DCC: variants seen among roughly 807,000 people sequenced by gnomAD.
DCC encodes the protein netrin receptor DCC.
In DCC, 58 loss-of-function variants were observed where a neutral mutation model predicts 172.5. The ratio of observed to expected loss-of-function variants is 0.34; its 90% CI spans 0.27 to 0.42. DCC has a LOEUF of 0.42. Ranked by LOEUF, DCC falls within the 10% of genes least tolerant of loss-of-function variation. The pLI is 1.00. For synonymous variants in DCC, 709 were observed against 644.5 expected (o/e 1.10, Z -1.52); for missense variants, 1,740 against 1,791.0 (o/e 0.97, Z 0.51).
chr18:52,584,452 C>T (rs993856970), intron 1 of DCC, among the ~76,000 whole-genome samples: 3 of 152,148 alleles, frequency 2.0e-5, no homozygotes, highest in Non-Finnish European at 4.4e-5. Context: ...CAGGACCAAG[C>T]TGATTGAAGC....
chr18:52,694,641 C>A (rs564439949), intron 1 of DCC, among the ~76,000 whole-genome samples: 1 of 151,898 alleles, frequency 6.6e-6, no homozygotes, highest in Admixed American at 6.6e-5. Context: ...GGCTTTGCTG[C>A]AGATAAAGGG....
chr18:52,948,610 T>G (rs909520759), intron 5 of DCC, among the ~76,000 whole-genome samples: 1 of 152,138 alleles, frequency 6.6e-6, no homozygotes, highest in African/African-American at 2.4e-5. Flanking sequence ...ATGTCCAAGT[T>G]AGGATTCATG....
chr18:53,276,544 T>A (rs1272975876), intron 12 of DCC, among the ~76,000 whole-genome samples: 1 of 152,182 alleles, frequency 6.6e-6, no homozygotes, highest in Admixed American at 6.6e-5. Flanking sequence ...AGGGCATTCC[T>A]AATGCCATGT....
chr18:52,602,512 A>G (rs1478534666), intron 1 of DCC, among the ~76,000 whole-genome samples: 1 of 151,940 alleles, frequency 6.6e-6, no homozygotes, highest in Non-Finnish European at 1.5e-5. Flanking sequence ...GGTTCAGTAT[A>G]CACATTCTAC....
At chr18:52,752,001 C>A in intron 1 of DCC, 53 bp from the exon 2 acceptor site, 1 of 1,464,046 alleles carries the variant, frequency 6.8e-7, no homozygotes, top group Non-Finnish European at 9.5e-7. Context: ...GGAATCTAAG[C>A]CTGAGATTTA....
intron 1 of DCC, among the ~76,000 whole-genome samples, chr18:52,613,887 A>T (rs1484922184): frequency 2.0e-5 from 3 of 152,146 alleles, no homozygotes; most frequent in African/African-American, 7.2e-5. Flanking sequence ...TTTCCTCATC[A>T]TGCTGCTTTC....
chr18:53,323,282 C>G (rs541333942), intron 14 of DCC, among the ~76,000 whole-genome samples: 20 of 152,164 alleles, frequency 1.3e-4, no homozygotes, highest in African/African-American at 4.6e-4. Flanking sequence ...CTCTTTTTCT[C>G]TTTTTGAATA....
intron 8 of DCC, among the ~76,000 whole-genome samples, chr18:53,165,921 T>C (rs1425951889): frequency 6.6e-6 from 1 of 152,206 alleles, no homozygotes; most frequent in Non-Finnish European, 1.5e-5. Flanking sequence ...GCATGATGTC[T>C]ATGTCATAAT....
chr18:52,735,562 G>C (rs2036713876), intron 1 of DCC, among the ~76,000 whole-genome samples: 1 of 152,122 alleles, frequency 6.6e-6, no homozygotes, highest in South Asian at 2.1e-4. Flanking sequence ...GAAGCTGAGA[G>C]TGCAGCCTTC....
At chr18:52,411,013 A>G (rs986901714) in intron 1 of DCC, among the ~76,000 whole-genome samples, 118 of 152,250 alleles carry the variant, frequency 7.8e-4, no homozygotes, top group African/African-American at 2.7e-3. Context: ...ACTTGGGTAA[A>G]GTAAGCCATA....
intron 2 of DCC, among the ~76,000 whole-genome samples, chr18:52,757,584 T>G (rs1298632000): frequency 6.6e-6 from 1 of 151,976 alleles, no homozygotes; most frequent in Non-Finnish European, 1.5e-5. Context: ...CTGCTTGCAT[T>G]TATACTTCTG....
chr18:52,587,193 G>C (rs1284369855), intron 1 of DCC, among the ~76,000 whole-genome samples: 1 of 152,242 alleles, frequency 6.6e-6, no homozygotes, highest in Non-Finnish European at 1.5e-5. Flanking sequence ...CGCGGGCTCA[G>C]TGTTGGTCTC....
chr18:52,491,839 G>C (rs2030517037), intron 1 of DCC, among the ~76,000 whole-genome samples: 1 of 152,014 alleles, frequency 6.6e-6, no homozygotes, highest in Admixed American at 6.6e-5. Context: ...AGGGAAGATT[G>C]GGTTAGTGGA....
At chr18:52,993,949 C>G (rs1323429086) in intron 5 of DCC, among the ~76,000 whole-genome samples, 4 of 151,822 alleles carry the variant, frequency 2.6e-5, no homozygotes, top group African/African-American at 9.7e-5. Context: ...CTTATTTTGC[C>G]TTGAATGATC....
intron 1 of DCC, among the ~76,000 whole-genome samples, chr18:52,605,998 A>G (rs183198064): frequency 1.8e-4 from 27 of 152,192 alleles, no homozygotes; most frequent in Non-Finnish European, 2.5e-4. Context: ...AAAGAATGCA[A>G]TCTTTCAATC....
intron 1 of DCC, among the ~76,000 whole-genome samples, chr18:52,515,046 T>C (rs2055794034): frequency 2.0e-5 from 3 of 152,192 alleles, no homozygotes; most frequent in Admixed American, 2.0e-4. Context: ...CATGGAGTTA[T>C]CTGCAAAAAT....
chr18:53,332,706 G>A (rs1419184078), intron 14 of DCC, among the ~76,000 whole-genome samples: 2 of 151,960 alleles, frequency 1.3e-5, no homozygotes, highest in African/African-American at 2.4e-5. Flanking sequence ...GACTATAAAG[G>A]GGCAGCCTAA....
chr18:53,370,805 G>A (rs1029973666), intron 15 of DCC, among the ~76,000 whole-genome samples: 1 of 151,758 alleles, frequency 6.6e-6, no homozygotes, highest in Non-Finnish European at 1.5e-5. Flanking sequence ...TGGGAAGAAT[G>A]TGTATGCTGT....
intron 1 of DCC, among the ~76,000 whole-genome samples, chr18:52,557,780 C>G (rs530983502): frequency 6.6e-6 from 1 of 152,234 alleles, no homozygotes; most frequent in East Asian, 1.9e-4. Context: ...ATGCCTCAGC[C>G]CCCCAAGTAG....
Sources: allele counts gnomAD v4.1 joint callset (sites outside exome capture counted in the v4.1 genomes callset), GRCh38; gene constraint gnomAD v4.1.1; transcripts MANE v1.5; gene names NCBI Gene and HGNC (gene_info 2026-07-23, HGNC 2026-07-21).